Variants in RIMS2 observed in about 807,000 individuals in gnomAD.
RIMS2 encodes the protein regulating synaptic membrane exocytosis 2.
In RIMS2, 59 loss-of-function variants were observed where a neutral mutation model predicts 174.4. The ratio of observed to expected loss-of-function variants is 0.34; its 90% CI spans 0.27 to 0.42. The LOEUF (loss-of-function observed/expected upper bound fraction) is 0.42, where lower values mean the gene tolerates loss of function less well. Among genes scored for constraint, RIMS2 ranks in the 10% least tolerant of loss-of-function variants. The pLI is 1.00. For missense variants in RIMS2, 1,620 were observed against 1,666.3 expected (o/e 0.97, Z 0.48); for synonymous variants, 606 against 572.5 (o/e 1.06, Z -0.84).
At chr8:103,864,291 T>C (rs1392605729) in intron 3 of RIMS2, among the ~76,000 whole-genome samples, 1 of 152,172 alleles carries the variant, frequency 6.6e-6, no homozygotes, top group African/African-American at 2.4e-5. Flanking sequence ...GATCTTTCTA[T>C]CTTTTTGATG....
chr8:103,573,276 C>G (rs2132445230), intron 1 of RIMS2, among the ~76,000 whole-genome samples: 1 of 151,700 alleles, frequency 6.6e-6, no homozygotes, highest in East Asian at 1.9e-4. Flanking sequence ...GTTGGCCAGG[C>G]TGGTCTTGAA....
chr8:103,653,871 C>T (rs2096490249), intron 1 of RIMS2, among the ~76,000 whole-genome samples: 1 of 152,046 alleles, frequency 6.6e-6, no homozygotes, highest in East Asian at 1.9e-4. Context: ...TTTGTCTTGC[C>T]TACTGTTTTA....
At chr8:103,920,063 C>T (rs1273132465) in intron 9 of RIMS2, among the ~76,000 whole-genome samples, 1 of 152,040 alleles carries the variant, frequency 6.6e-6, no homozygotes, top group Non-Finnish European at 1.5e-5. Context: ...AGCATGGAAA[C>T]CTTTATCTTA....
At chr8:104,076,660 A>T (rs2097298320) in intron 19 of RIMS2, among the ~76,000 whole-genome samples, 1 of 152,236 alleles carries the variant, frequency 6.6e-6, no homozygotes, top group East Asian at 1.9e-4. Flanking sequence ...GAGTAGTATT[A>T]AAAGTGTAGA....
chr8:103,870,943 A>C (rs1366136035), intron 3 of RIMS2, among the ~76,000 whole-genome samples: 1 of 152,226 alleles, frequency 6.6e-6, no homozygotes, highest in African/African-American at 2.4e-5. Flanking sequence ...AATGCTTGTC[A>C]TGTTTTATAA....
intron 17 of RIMS2, among the ~76,000 whole-genome samples, chr8:104,005,426 A>C (rs747267658): frequency 6.6e-6 from 1 of 152,234 alleles, no homozygotes; most frequent in African/African-American, 2.4e-5. Context: ...CAGAGGCTAC[A>C]CAGTTGAACT....
At chr8:103,757,010 TGAGAGAGAGA>T (rs375031125) in intron 2 of RIMS2, among the ~76,000 whole-genome samples, 4 of 114,356 alleles carry the variant, frequency 3.5e-5, no homozygotes, top group African/African-American at 1.5e-4. Context: ...TGTGTGTGTG[TGAGAGAGAGA>T]GAGAGAGAGA....
At chr8:103,682,756 A>T (rs2096895588) in intron 1 of RIMS2, among the ~76,000 whole-genome samples, 1 of 152,168 alleles carries the variant, frequency 6.6e-6, no homozygotes, top group Admixed American at 6.6e-5. Flanking sequence ...AACTAAAGTA[A>T]GGTAAATACT....
chr8:104,004,392 T>C (rs2095496917), intron 17 of RIMS2, among the ~76,000 whole-genome samples: 1 of 152,012 alleles, frequency 6.6e-6, no homozygotes, highest in Admixed American at 6.6e-5. Flanking sequence ...GCTAAAGGAA[T>C]AGTTTCAAGA....
At chr8:103,909,398 A>G (rs1487159744) in intron 4 of RIMS2, among the ~76,000 whole-genome samples, 1 of 152,158 alleles carries the variant, frequency 6.6e-6, no homozygotes, top group African/African-American at 2.4e-5. Context: ...GTTGCCAATT[A>G]CATAAATTGT....
chr8:104,155,022 G>A (rs531280175), intron 19 of RIMS2, among the ~76,000 whole-genome samples: 4 of 151,948 alleles, frequency 2.6e-5, no homozygotes, highest in Admixed American at 2.6e-4. Flanking sequence ...TTTAATATAT[G>A]GCTTCACCTA....
chr8:103,623,491 T>G (rs944420030), intron 1 of RIMS2, among the ~76,000 whole-genome samples: 1 of 138,740 alleles, frequency 7.2e-6, no homozygotes, highest in African/African-American at 2.7e-5. Context: ...TTTTTTTTTT[T>G]TTTTTTTTTT....
chr8:104,219,128 T>C (rs2099144203), intron 19 of RIMS2, among the ~76,000 whole-genome samples: 1 of 152,256 alleles, frequency 6.6e-6, no homozygotes, highest in African/African-American at 2.4e-5. Flanking sequence ...GGGACTTAAA[T>C]ACATATATGG....
At chr8:103,948,222 C>G (rs993028944) in intron 14 of RIMS2, among the ~76,000 whole-genome samples, 1 of 152,114 alleles carries the variant, frequency 6.6e-6, no homozygotes, top group Non-Finnish European at 1.5e-5. Context: ...AATTGGAACC[C>G]TCATCCATTT....
At chr8:103,664,033 G>C (rs1039477202) in intron 1 of RIMS2, among the ~76,000 whole-genome samples, 8 of 152,194 alleles carry the variant, frequency 5.3e-5, no homozygotes, top group Non-Finnish European at 1.0e-4. Context: ...ATGGGGAAAG[G>C]ATTCCCTATT....
At chr8:103,504,173 T>C (rs117585410) in intron 1 of RIMS2, among the ~76,000 whole-genome samples, 4 of 152,070 alleles carry the variant, frequency 2.6e-5, no homozygotes, top group Admixed American at 2.6e-4. Context: ...TGACTAATGT[T>C]TTTTTTTCAA....
intron 2 of RIMS2, among the ~76,000 whole-genome samples, chr8:103,746,018 T>G (rs751342467): frequency 3.9e-5 from 6 of 152,234 alleles, no homozygotes; most frequent in Non-Finnish European, 5.9e-5. Context: ...TAAGAAACAG[T>G]TGCCTAAACC....
intron 1 of RIMS2, among the ~76,000 whole-genome samples, chr8:103,529,722 G>C (rs550111882): frequency 1.3e-5 from 2 of 152,200 alleles, no homozygotes. Context: ...TGTCGCTCAC[G>C]CTGGGAGCTG....
intron 1 of RIMS2, among the ~76,000 whole-genome samples, chr8:103,544,798 G>A (rs761686844): frequency 1.4e-4 from 22 of 152,120 alleles, no homozygotes; most frequent in African/African-American, 4.6e-4. Context: ...CAAGACCCAC[G>A]AACAGACTAG....
Sources: gnomAD v4.1 joint callset for allele counts (sites outside exome capture counted in the v4.1 genomes callset) on GRCh38, gnomAD v4.1.1 for gene constraint, MANE v1.5 for transcripts, NCBI Gene and HGNC (gene_info 2026-07-23, HGNC 2026-07-21) for gene names.